DCUN1D2: variants seen among roughly 807,000 people sequenced by gnomAD.
The protein encoded by DCUN1D2 is defective in cullin neddylation 1 domain containing 2.
Under a neutral mutation model 30.9 loss-of-function variants are expected in DCUN1D2, and 29 were observed. The ratio of observed to expected loss-of-function variants is 0.94; its 90% CI spans 0.70 to 1.28. DCUN1D2 has a LOEUF of 1.28. DCUN1D2 is among the 50% of genes most tolerant of loss of function. The pLI is 0.00. For missense variants in DCUN1D2, 325 were observed against 316.9 expected (o/e 1.03, Z -0.19); for synonymous variants, 121 against 115.3 (o/e 1.05, Z -0.32).
chr13:113,491,457 A>C (rs1394858770), upstream of DCUN1D2, among the ~76,000 whole-genome samples: 88 of 56,018 alleles, frequency 1.6e-3, no homozygotes, highest in Admixed American at 3.1e-3. Context: ...CGGGGCTCCC[A>C]TTCCCTTCTT....
intron 1 of DCUN1D2, chr13:113,484,291 G>C (rs2044763506): frequency 3.6e-6 from 3 of 841,064 alleles, no homozygotes; most frequent in Non-Finnish European, 1.7e-6. Context: ...AATACATTCT[G>C]ATCTCTATCC....
At chr13:113,461,472 A>G (rs2044317373) in intron 4 of DCUN1D2, among the ~76,000 whole-genome samples, 1 of 152,336 alleles carries the variant, frequency 6.6e-6, no homozygotes, top group South Asian at 2.1e-4. Flanking sequence ...AATGCGTATC[A>G]TTTGTTTTTA....
intron 4 of DCUN1D2, among the ~76,000 whole-genome samples, chr13:113,472,558 C>T (rs541953549): frequency 4.6e-5 from 7 of 152,176 alleles, no homozygotes; most frequent in East Asian, 1.9e-4. Context: ...GACCCTCGGT[C>T]GAAGGAAGCA....
chr13:113,456,791 T>C lies in DCUN1D2; in HGVS notation c.*1238A>G, dbSNP rs1276720215. 2 of 159,150 alleles carry C rather than the reference T, an allele frequency of 1.3e-5. No homozygotes were observed. Among genetic ancestry groups the C allele is most frequent in the African/African-American group, 4.8e-5 (2 of 41,790 alleles). 9.9% of individuals were successfully genotyped at this position (159,150 alleles called of 1,614,324 possible). On this transcript the variant is annotated 3_prime_UTR_variant, in exon 7 of 7. Transcript: ENST00000478244. ...AACGATGTACATTTTAGCTTCCAAA[T>C]GTGCACAGGGGCACAAAGGTCTGGA... is the stretch of plus-strand genomic sequence containing the variant.
At chr13:113,471,201 T>A (rs1281042571) in intron 4 of DCUN1D2, among the ~76,000 whole-genome samples, 2 of 149,502 alleles carry the variant, frequency 1.3e-5, no homozygotes, top group African/African-American at 5.0e-5. Context: ...GGGACCCAAC[T>A]CCACAGAAGA....
At chr13:113,461,827 G>C (rs539850311) in intron 4 of DCUN1D2, among the ~76,000 whole-genome samples, 1 of 152,176 alleles carries the variant, frequency 6.6e-6, no homozygotes, top group African/African-American at 2.4e-5. Context: ...TATGAATGCC[G>C]AGTTTCAGGG....
chr13:113,484,353 ACT>A (rs1380493212), intron 1 of DCUN1D2, among the ~76,000 whole-genome samples: 5 of 152,164 alleles, frequency 3.3e-5, no homozygotes, highest in African/African-American at 1.2e-4. Context: ...ACTCTCAGTA[ACT>A]CTGTAATGCA....
In DCUN1D2 at chr13:113,457,693, G is replaced by A. The variant is rs3814255; in HGVS notation, c.*336C>T. On this transcript the variant is annotated 3_prime_UTR_variant, in exon 7 of 7. Transcript: ENST00000478244. ...GCTGCCGGACGCTGGTTCGCCTGAC[G>A]CGCGAGCTACGCAGCATGCTCTGCG... 13,449 of 177,898 alleles carry A rather than the reference G, an allele frequency of 0.076. 940 individuals carry two copies. The highest frequency in any genetic ancestry group is 0.23 in the Admixed American group (3,667 of 16,114). 11.0% of individuals were successfully genotyped at this position (177,898 alleles called of 1,614,324 possible). A position where few individuals can be genotyped will look rare whatever the true frequency, so the allele number is the denominator to read the frequency against.
intron 1 of DCUN1D2, chr13:113,489,124 A>G: frequency 7.1e-6 from 7 of 985,418 alleles, no homozygotes; most frequent in Non-Finnish European, 8.4e-6. Context: ...TGATCGAATA[A>G]ACTACGTAAG....
chr13:113,470,663 C>G (rs1478709696), intron 4 of DCUN1D2, among the ~76,000 whole-genome samples: 38 of 132,264 alleles, frequency 2.9e-4, no homozygotes, highest in Middle Eastern at 5.0e-3. Context: ...CAGCTCCACG[C>G]AAGACCCAAC....
rs1242940051 is a variant in DCUN1D2 at position 113,483,830 on chromosome 13, C to T, written c.220+10G>A. On this transcript the variant is annotated intron_variant, in intron 2 of 6. Coordinates refer to ENST00000478244, the MANE Select transcript of DCUN1D2 (RefSeq NM_001014283.2). ...GACATCCGTCCGGCTTTGCTGCAGT[C>T]TCCTCTTACCTTTGTACCTGCCGTA... The T allele has an allele frequency of 2.5e-6, 4 of 1,609,782 alleles. No homozygotes were observed. Among genetic ancestry groups the T allele is most frequent in the Non-Finnish European group, 2.5e-6 (3 of 1,178,234 alleles).
In DCUN1D2 at chr13:113,473,169, CT is replaced by C. The variant is rs111774549; in HGVS notation, c.520+954del. 4.0e-3 allele frequency among the ~76,000 whole-genome samples: 607 copies of C among 151,460 alleles called. 30 individuals carry two copies. In the East Asian group the frequency reaches 0.095, roughly 24 times the overall value. ...GTGCCTCTGTCCCTCTGTCCCCCGT[CT>C]CTCTATCCCTCTGTCCCGTGTCTCT... On this transcript the variant is annotated intron_variant, in intron 4 of 6. Transcript: ENST00000478244.
upstream of DCUN1D2, chr13:113,491,082 C>T (rs1227601617): frequency 1.3e-5 from 2 of 153,994 alleles, no homozygotes; most frequent in East Asian, 3.8e-4. Flanking sequence ...GCCGCTCCCT[C>T]CCGGACTCCC....
In DCUN1D2 at chr13:113,456,578, TGA is replaced by T; in HGVS notation, c.*1449_*1450del. The T allele has an allele frequency of 1.0e-5, 4 of 392,378 alleles. No homozygotes were observed. Among genetic ancestry groups the T allele is most frequent in the Middle Eastern group, 6.4e-4 (1 of 1,560 alleles). The allele number at this position is 392,378 out of a possible 1,614,324, so 24.3% of individuals were successfully genotyped here. On this transcript the variant is annotated 3_prime_UTR_variant, in exon 7 of 7. Coordinates refer to ENST00000478244, the MANE Select transcript of DCUN1D2 (RefSeq NM_001014283.2). ...GGGGCAGCAAGGCACGCCTGTGACATGAGAGTCTCGGCACGTGAGGTAGGGTC... is the reference window on the plus strand; with the variant it reads ...GGGGCAGCAAGGCACGCCTGTGACATGAGTCTCGGCACGTGAGGTAGGGTC...
rs529335718 is a variant in DCUN1D2, at chr13:113,463,189, T to G, written c.521-2053A>C. Reference sequence around the variant, plus strand: ...CAACAGCTACTCTGGTGGCTACATCTTTATAGCAGCTATTTTCTTTCCCAG... The same window carrying G: ...CAACAGCTACTCTGGTGGCTACATCGTTATAGCAGCTATTTTCTTTCCCAG... On this transcript the variant is annotated intron_variant, in intron 4 of 6. Transcript: ENST00000478244. 1.9e-5 allele frequency: 3 copies of G among 156,358 alleles called. No homozygotes were observed. In the South Asian group the frequency reaches 5.6e-4, roughly 29 times the overall value. The allele number at this position is 156,358 out of a possible 1,614,324, so 9.7% of individuals were successfully genotyped here.
At chr13:113,463,529 T>TAA (rs978658911) in intron 4 of DCUN1D2, among the ~76,000 whole-genome samples, 15 of 139,908 alleles carry the variant, frequency 1.1e-4, no homozygotes, top group Admixed American at 8.6e-4. Context: ...CTCACCTCTT[T>TAA]AAAAAAAAAA....
intron 1 of DCUN1D2, chr13:113,489,019 TCTGGCACCAAGGATA>T (rs1315016007): frequency 1.7e-6 from 1 of 603,846 alleles, no homozygotes; most frequent in African/African-American, 2.0e-5. Flanking sequence ...ACTCATATAA[TCTGGCACCAAGGATA>T]CCCATATGTA....
chr13:113,462,982 G>T, intron 4 of DCUN1D2: 1 of 548,308 alleles, frequency 1.8e-6, no homozygotes. Flanking sequence ...TCTTACAAAG[G>T]ACCTGATTTG....
At chr13:113,482,045 G>A (rs914342620) in intron 2 of DCUN1D2, among the ~76,000 whole-genome samples, 2 of 152,020 alleles carry the variant, frequency 1.3e-5, no homozygotes, top group African/African-American at 4.8e-5. Flanking sequence ...TATACTTCAT[G>A]AATAGAAATA....
Sources: allele counts gnomAD v4.1 joint callset (sites outside exome capture counted in the v4.1 genomes callset), GRCh38; gene constraint gnomAD v4.1.1; transcripts MANE v1.5; gene names NCBI Gene and HGNC (gene_info 2026-07-23, HGNC 2026-07-21).